Variants in ABCA4 observed in about 807,000 individuals in gnomAD.
The protein encoded by ABCA4 is retinal-specific phospholipid-transporting ATPase ABCA4.
A neutral mutation model predicts 263.7 loss-of-function variants in ABCA4; 196 were observed. The observed-to-expected ratio is 0.74, with a 90% CI of 0.66 to 0.84. The LOEUF (loss-of-function observed/expected upper bound fraction) is 0.84. Ranked by LOEUF, ABCA4 falls within the 40% of genes least tolerant of loss-of-function variation. ABCA4 has a pLI of 0.00. For missense variants in ABCA4, 2,792 were observed against 2,855.1 expected, an observed-to-expected ratio of 0.98 and a Z score of 0.50; for synonymous variants, 1,133 against 1,094.2, an observed-to-expected ratio of 1.04 and a Z score of -0.70.
chr1:94,029,041 A>C (rs1660123325), intron 30 of ABCA4, among the ~76,000 whole-genome samples: 1 of 152,134 alleles, frequency 6.6e-6, no homozygotes, highest in Admixed American at 6.6e-5. Flanking sequence ...ATTTTAAGAC[A>C]ATATTTGGAA....
At position 94,043,044 on chromosome 1, in the gene ABCA4, A is replaced by G. The variant is rs1660562997; in HGVS notation, c.3191-146T>C. 5 of 1,274,056 alleles carry G rather than the reference A, an allele frequency of 3.9e-6. No individual in the cohort carries two copies. In the East Asian group the frequency reaches 1.2e-4, roughly 30 times the overall value. 78.9% of individuals were successfully genotyped at this position (1,274,056 alleles called of 1,614,324 possible). A position where few individuals can be genotyped will look rare whatever the true frequency, so the allele number is the denominator to read the frequency against. ...GATGTTTATAGCGTTCAAAGCCCTAATACTGTTCAGGCTTTGTAAATGCAG... is the reference window on the plus strand; with the variant it reads ...GATGTTTATAGCGTTCAAAGCCCTAGTACTGTTCAGGCTTTGTAAATGCAG... On this transcript the variant is annotated intron_variant, in intron 21 of 49. Coordinates refer to ENST00000370225, the MANE Select transcript of ABCA4 (RefSeq NM_000350.3).
At chr1:94,005,204 T>A (rs1347394110) in intron 44 of ABCA4, among the ~76,000 whole-genome samples, 1 of 152,222 alleles carries the variant, frequency 6.6e-6, no homozygotes, top group East Asian at 1.9e-4. Context: ...AGAGGATAAA[T>A]GCATACAACA....
At position 94,065,116 on chromosome 1, in the gene ABCA4, G is replaced by T. The variant is rs77051304; in HGVS notation, c.1555-1799C>A. Among the ~76,000 whole-genome samples, 420 of 152,150 alleles carry T rather than the reference G, an allele frequency of 2.8e-3. 18 individuals are homozygous for T. In the East Asian group the frequency reaches 0.074, roughly 27 times the overall value. On this transcript the variant is annotated intron_variant, in intron 11 of 49. Transcript: ENST00000370225. Reference sequence around the variant, plus strand: ...GCCTGAGGTCACCCAGAGAGACAGTGGCAGAGCTGGGACTCCCTCCCCAAT... The same window carrying T: ...GCCTGAGGTCACCCAGAGAGACAGTTGCAGAGCTGGGACTCCCTCCCCAAT...
intron 6 of ABCA4, among the ~76,000 whole-genome samples, chr1:94,087,114 T>C (rs183205942): frequency 1.3e-5 from 2 of 152,282 alleles, no homozygotes; most frequent in Admixed American, 1.3e-4. Context: ...CATGACCTAA[T>C]TGCCTCCGAA....
rs886044719 is a variant in ABCA4, at chr1:94,113,047, A to T, written c.86T>A (p.Leu29His). The change falls in exon 2 of 50, where the codon CTC becomes CAC. Residue 29 changes from leucine to histidine, a missense_variant. Physicochemically the swap from Leu to His is moderately conservative, Grantham distance 99. Transcript: ENST00000370225. ...CAGAAATAAAGATAAAGGCCACACG[A>T]GTTCCACCACAAAGCGAATCTGGAA... Reference protein sequence around the residue: ...KRQKIRFVVELVWPLSLFLVL... With the variant: ...KRQKIRFVVEHVWPLSLFLVL... 1 of 1,614,178 alleles carries T rather than the reference A, an allele frequency of 6.2e-7. No individual in the cohort carries two copies. Among genetic ancestry groups the T allele is most frequent in the East Asian group, 2.2e-5 (1 of 44,884 alleles).
At chr1:94,093,313 G>A (rs915382101) in intron 6 of ABCA4, among the ~76,000 whole-genome samples, 7 of 152,194 alleles carry the variant, frequency 4.6e-5, no homozygotes, top group African/African-American at 1.7e-4. Context: ...GCCCCATCCT[G>A]TGTGTCCCTG....
At chr1:93,995,736 C>T (rs1658980761) in intron 49 of ABCA4, among the ~76,000 whole-genome samples, 1 of 152,208 alleles carries the variant, frequency 6.6e-6, no homozygotes, top group Non-Finnish European at 1.5e-5. Flanking sequence ...TGTCAAGCAC[C>T]CAAAACATTC....
chr1:94,047,027 A>G lies in ABCA4; in HGVS notation c.2810T>C (p.Ile937Thr), dbSNP rs1234899018. The G allele has an allele frequency of 1.2e-6, 2 of 1,614,144 alleles. No individual in the cohort carries two copies. Among genetic ancestry groups the G allele is most frequent in the East Asian group, 4.5e-5 (2 of 44,876 alleles). ...PGVCVKNLVK[I>T]FEPCGRPAVD... Reference sequence around the variant, plus strand: ...AGCTGGCCGGCCACAGGGCTCAAAAATCTTTACCAGATTCTTCACGCATAC... The same window carrying G: ...AGCTGGCCGGCCACAGGGCTCAAAAGTCTTTACCAGATTCTTCACGCATAC... The change falls in exon 19 of 50, where the codon ATT (isoleucine) becomes ACT (threonine). Residue 937 changes from isoleucine (I) to threonine (T), a missense_variant. Physicochemically the swap from Ile to Thr is moderately conservative, Grantham distance 89. Transcript: ENST00000370225.
chr1:94,080,796 T>C, intron 7 of ABCA4, 78 bp from the exon 8 acceptor site: 2 of 1,585,694 alleles, frequency 1.3e-6, no homozygotes, highest in East Asian at 2.2e-5. Context: ...GCTCCAACGT[T>C]TGGTTTGACT....
chr1:94,056,949 T>C, intron 14 of ABCA4, 127 bp from the exon 15 acceptor site: 1 of 795,198 alleles, frequency 1.3e-6, no homozygotes, highest in South Asian at 1.5e-5. Context: ...CTCCATGTGC[T>C]GAGTTCCTTT....
rs781077412 is a variant in ABCA4, at chr1:94,000,991, G to T, written c.6386+11C>A. 1.4e-5 allele frequency: 23 copies of T among 1,613,984 alleles called. No homozygotes were observed. Among genetic ancestry groups the T allele is most frequent in the Non-Finnish European group, 1.9e-5 (22 of 1,179,978 alleles). ...TCCCACCCACCTTCCCCAGCCCTGG[G>T]AATCTCTTGCCTGTGGGATGTGAGG... On this transcript the variant is annotated intron_variant, in intron 46 of 49. Coordinates refer to ENST00000370225, the MANE Select transcript of ABCA4 (RefSeq NM_000350.3).
chr1:94,078,761 G>T, intron 9 of ABCA4, 55 bp from the exon 10 acceptor site: 2 of 1,285,322 alleles, frequency 1.6e-6, no homozygotes, highest in Non-Finnish European at 2.2e-6. Context: ...AAGTGAGAGA[G>T]AACTTTTGGT....
intron 9 of ABCA4, 115 bp from the exon 10 acceptor site, chr1:94,078,821 G>C: frequency 1.2e-6 from 1 of 815,840 alleles, no homozygotes; most frequent in Non-Finnish European, 2.2e-6. Context: ...GCTTTTCAAG[G>C]AAGTGTTTTT....
chr1:94,011,310 T>C lies in ABCA4; in HGVS notation c.5536A>G (p.Ile1846Val). 4 of 1,614,028 alleles carry C rather than the reference T, an allele frequency of 2.5e-6. No homozygotes were observed. Among genetic ancestry groups the C allele is most frequent in the South Asian group, 1.1e-5 (1 of 91,074 alleles). Residue 1846 changes from isoleucine to valine, a missense_variant, in exon 39 of 50, where the codon ATT becomes GTT. Transcript: ENST00000370225. Reference sequence around the variant, plus strand: ...ACAGCCTGGCTCAGTGCAAGGTCAATGAGGCCCCGGCCCAGGCAGAAGTGG... The same window carrying C: ...ACAGCCTGGCTCAGTGCAAGGTCAACGAGGCCCCGGCCCAGGCAGAAGTGG... ...FPHFCLGRGL[I>V]DLALSQAVTD...
At chr1:94,099,234 C>G (rs1479597716) in intron 5 of ABCA4, among the ~76,000 whole-genome samples, 2 of 152,146 alleles carry the variant, frequency 1.3e-5, no homozygotes, top group Non-Finnish European at 2.9e-5. Context: ...GAAACAGAGT[C>G]ATGTGATGTG....
intron 42 of ABCA4, among the ~76,000 whole-genome samples, chr1:94,007,957 G>A (rs765957871): frequency 1.3e-5 from 2 of 152,084 alleles, no homozygotes; most frequent in Non-Finnish European, 2.9e-5. Flanking sequence ...TAAAAACAAC[G>A]AGAAATTGTC....
At chr1:94,028,874 T>C (rs1660109043) in intron 30 of ABCA4, among the ~76,000 whole-genome samples, 1 of 111,936 alleles carries the variant, frequency 8.9e-6, no homozygotes, top group Non-Finnish European at 1.6e-5. Context: ...ACCGCTGCAC[T>C]CCAACCTGGG....
chr1:94,087,059 C>T (rs1378239863), intron 6 of ABCA4, among the ~76,000 whole-genome samples: 1 of 152,136 alleles, frequency 6.6e-6, no homozygotes, highest in African/African-American at 2.4e-5. Flanking sequence ...ATGGTGGAAG[C>T]GGCAAGCTGG....
intron 29 of ABCA4, 120 bp downstream of exon 29, chr1:94,030,308 T>C (rs1229739116): frequency 1.2e-6 from 1 of 855,084 alleles, no homozygotes; most frequent in Non-Finnish European, 1.9e-6. Context: ...GTCAGAGACA[T>C]GGAAGTGACC....
Sources: gnomAD v4.1 joint callset for allele counts (sites outside exome capture counted in the v4.1 genomes callset) on GRCh38, gnomAD v4.1.1 for gene constraint, MANE v1.5 for transcripts, NCBI Gene and HGNC (gene_info 2026-07-23, HGNC 2026-07-21) for gene names.